Variants in SDK1 observed in about 807,000 individuals in gnomAD.
SDK1 encodes the protein protein sidekick-1.
In SDK1, 157 loss-of-function variants were observed where a neutral mutation model predicts 245.5. The ratio of observed to expected loss-of-function variants is 0.64; its 90% CI spans 0.56 to 0.73. The LOEUF is 0.73. Among genes scored for constraint, SDK1 ranks in the 30% least tolerant of loss-of-function variants. The pLI, the probability that SDK1 is intolerant of heterozygous loss-of-function variation, is 0.00. For missense variants in SDK1, 3,583 were observed against 3,002.3 expected (o/e 1.19, Z -4.52); for synonymous variants, 1,647 against 1,278.5 (o/e 1.29, Z -6.15).
At chr7:3,906,935 G>T (rs958053519) in intron 5 of SDK1, among the ~76,000 whole-genome samples, 2 of 151,994 alleles carry the variant, frequency 1.3e-5, no homozygotes, top group Non-Finnish European at 2.9e-5. Flanking sequence ...CTGCCTCTGT[G>T]TCTTTTTTGA....
At chr7:4,158,624 C>A in intron 31 of SDK1, 73 bp downstream of exon 31, 1 of 1,129,552 alleles carries the variant, frequency 8.9e-7, no homozygotes, top group Non-Finnish European at 1.3e-6. Flanking sequence ...GCCACACTTT[C>A]GTCTTGAGCC....
intron 1 of SDK1, among the ~76,000 whole-genome samples, chr7:3,328,682 A>G (rs1462885253): frequency 2.0e-5 from 3 of 152,098 alleles, no homozygotes; most frequent in African/African-American, 7.2e-5. Context: ...TCATACAAAT[A>G]GGATGATGCG....
At chr7:3,981,808 A>G (rs1783421753) in intron 13 of SDK1, among the ~76,000 whole-genome samples, 1 of 152,202 alleles carries the variant, frequency 6.6e-6, no homozygotes, top group African/African-American at 2.4e-5. Context: ...GGTTTGTGAG[A>G]TTTAAGGAAA....
At chr7:3,494,107 C>T (rs1446214467) in intron 1 of SDK1, among the ~76,000 whole-genome samples, 1 of 152,024 alleles carries the variant, frequency 6.6e-6, no homozygotes, top group Non-Finnish European at 1.5e-5. Context: ...GTTCCAAGAA[C>T]CTAGAGGAAA....
chr7:3,948,251 CTTTTTTT>C lies in SDK1; in HGVS notation c.848-2654_848-2648del, dbSNP rs34746302. Among the ~76,000 whole-genome samples, 8 of 79,652 alleles carry C rather than the reference CTTTTTTT, an allele frequency of 1.0e-4. No homozygotes were observed. In the South Asian group the frequency reaches 3.5e-3, roughly 35 times the overall value. The allele number at this position is 79,652 out of a possible 152,430, so 52.3% of individuals were successfully genotyped here. Reference sequence around the variant, plus strand: ...TGACCTTGTGTGTGTATCACCATTGCTTTTTTTTTTTTTTTTTTTTTTTTGAGACGGA... The same window carrying C: ...TGACCTTGTGTGTGTATCACCATTGCTTTTTTTTTTTTTTTTTGAGACGGA... On this transcript the variant is annotated intron_variant, in intron 5 of 44. Transcript: ENST00000404826.
At chr7:4,089,780 A>G (rs943483315) in intron 22 of SDK1, among the ~76,000 whole-genome samples, 5 of 152,174 alleles carry the variant, frequency 3.3e-5, no homozygotes, top group African/African-American at 9.7e-5. Context: ...TGTTTTAGAA[A>G]CTATAGACAA....
intron 14 of SDK1, among the ~76,000 whole-genome samples, chr7:3,996,959 G>A (rs1245141112): frequency 6.6e-6 from 1 of 152,076 alleles, no homozygotes; most frequent in Non-Finnish European, 1.5e-5. Flanking sequence ...GATATAATTT[G>A]TATGTAACAA....
At chr7:3,689,041 C>T (rs1369310602) in intron 4 of SDK1, among the ~76,000 whole-genome samples, 3 of 152,318 alleles carry the variant, frequency 2.0e-5, no homozygotes, top group Middle Eastern at 3.4e-3. Context: ...TTTATTGTAA[C>T]ACAGCCACCC....
chr7:4,149,455 C>T lies in SDK1; in HGVS notation c.4617C>T (p.Val1539=), dbSNP rs377107265. 1.1e-5 allele frequency: 16 copies of T among 1,512,072 alleles called. No homozygotes were observed. The highest frequency in any genetic ancestry group is 5.3e-5 in the South Asian group (4 of 75,334). 93.7% of individuals were successfully genotyped at this position (1,512,072 alleles called of 1,614,324 possible). A position where few individuals can be genotyped will look rare whatever the true frequency, so the allele number is the denominator to read the frequency against. ...TCAGCCATGAGGCGACAGCATGCGT[C>T]GTTGACAGGTACTGAGAGAGCAGGA... ...SSISHEATAC[V]VDRLRPFTSY... is the part of the protein sequence containing the mutation. Residue 1539 remains valine (V), a synonymous_variant, in exon 30 of 45, where the codon GTC becomes GTT. Coordinates refer to ENST00000404826, the MANE Select transcript of SDK1 (RefSeq NM_152744.4).
At chr7:3,510,113 T>G (rs1782531254) in intron 1 of SDK1, among the ~76,000 whole-genome samples, 1 of 152,178 alleles carries the variant, frequency 6.6e-6, no homozygotes, top group Non-Finnish European at 1.5e-5. Context: ...AGCGTCGACC[T>G]TATCAAAAGT....
intron 1 of SDK1, among the ~76,000 whole-genome samples, chr7:3,455,357 A>G (rs920953239): frequency 1.3e-5 from 2 of 149,334 alleles, no homozygotes; most frequent in East Asian, 3.9e-4. Context: ...TTTACCTACC[A>G]TTAGTTCCTG....
intron 44 of SDK1, among the ~76,000 whole-genome samples, chr7:4,260,943 C>G (rs1273356697): frequency 1.3e-5 from 2 of 152,188 alleles, no homozygotes; most frequent in African/African-American, 4.8e-5. Flanking sequence ...CTCCTAAATG[C>G]AGAGGAGCCA....
intron 5 of SDK1, among the ~76,000 whole-genome samples, chr7:3,910,144 G>C (rs1326342292): frequency 6.6e-6 from 1 of 152,232 alleles, no homozygotes; most frequent in Non-Finnish European, 1.5e-5. Flanking sequence ...TGCGTCAGCA[G>C]ACAGGAGCAT....
intron 1 of SDK1, among the ~76,000 whole-genome samples, chr7:3,334,638 G>A (rs866903094): frequency 6.6e-6 from 1 of 152,062 alleles, no homozygotes; most frequent in Non-Finnish European, 1.5e-5. Context: ...ACAATCCAGG[G>A]CACTCTACTT....
chr7:3,304,925 C>T (rs1370367893), intron 1 of SDK1, among the ~76,000 whole-genome samples: 3 of 152,018 alleles, frequency 2.0e-5, no homozygotes, highest in African/African-American at 4.8e-5. Flanking sequence ...GCTGAGACAC[C>T]CCCTCCTCCC....
At chr7:3,431,468 G>A (rs780583190) in intron 1 of SDK1, among the ~76,000 whole-genome samples, 3 of 151,138 alleles carry the variant, frequency 2.0e-5, no homozygotes, top group African/African-American at 2.4e-5. Flanking sequence ...CATTGGTGTG[G>A]TCTATGAGTA....
intron 1 of SDK1, among the ~76,000 whole-genome samples, chr7:3,574,347 A>T (rs1050155294): frequency 6.6e-6 from 1 of 151,800 alleles, no homozygotes; most frequent in African/African-American, 2.4e-5. Context: ...CGAACTCCTG[A>T]CCTCATGATT....
intron 5 of SDK1, among the ~76,000 whole-genome samples, chr7:3,877,903 G>A (rs967183546): frequency 3.3e-5 from 5 of 152,172 alleles, no homozygotes; most frequent in Non-Finnish European, 7.3e-5. Flanking sequence ...GAACTGCAGT[G>A]AACTGCCTTA....
At chr7:3,798,722 G>C (rs1391366685) in intron 4 of SDK1, among the ~76,000 whole-genome samples, 2 of 152,168 alleles carry the variant, frequency 1.3e-5, no homozygotes, top group Admixed American at 6.5e-5. Flanking sequence ...TCTGTTCTTA[G>C]AAGCAAGTCT....
Sources: allele counts gnomAD v4.1 joint callset (sites outside exome capture counted in the v4.1 genomes callset), GRCh38; gene constraint gnomAD v4.1.1; transcripts MANE v1.5; gene names NCBI Gene and HGNC (gene_info 2026-07-23, HGNC 2026-07-21).